Variants in C7orf57 observed in about 807,000 individuals in gnomAD.
The protein encoded by C7orf57 is uncharacterized protein C7orf57.
Under a neutral mutation model 39.0 loss-of-function variants are expected in C7orf57, and 33 were observed. That is an observed-to-expected ratio of 0.85 (90% confidence interval 0.64 to 1.13). The LOEUF is 1.13. Ranked by LOEUF, C7orf57 falls within the 50% of genes most tolerant of loss-of-function variation. The probability of loss-of-function intolerance (pLI) is 0.00; values close to 1 mark genes in which losing one functional copy is unlikely to be tolerated. For synonymous variants in C7orf57, 124 were observed against 137.1 expected (o/e 0.90, Z 0.67); for missense variants, 346 against 362.3 (o/e 0.95, Z 0.37).
chr7:48,038,205 C>G (rs1011787280), intron 2 of C7orf57, among the ~76,000 whole-genome samples: 1 of 151,824 alleles, frequency 6.6e-6, no homozygotes, highest in Non-Finnish European at 1.5e-5. Context: ...TATTAAATAC[C>G]ATCCATTAAA....
intron 2 of C7orf57, among the ~76,000 whole-genome samples, chr7:48,039,867 AC>A (rs1302170287): frequency 6.6e-6 from 1 of 151,566 alleles, no homozygotes; most frequent in Non-Finnish European, 1.5e-5. Context: ...TATTGAATAC[AC>A]CCAGTCACTT....
intron 8 of C7orf57, among the ~76,000 whole-genome samples, chr7:48,055,413 C>G (rs1791089236): frequency 6.6e-6 from 1 of 152,132 alleles, no homozygotes. Context: ...ATCATTAAAT[C>G]AAGGTAACTA....
chr7:48,044,069 G>A (rs1033956206), intron 4 of C7orf57, among the ~76,000 whole-genome samples: 2 of 152,186 alleles, frequency 1.3e-5, no homozygotes, highest in Admixed American at 1.3e-4. Context: ...CCAGCGACTA[G>A]TGTTCGGCTC....
intron 5 of C7orf57, among the ~76,000 whole-genome samples, chr7:48,049,655 T>C (rs1285232275): frequency 1.3e-5 from 2 of 152,204 alleles, no homozygotes; most frequent in Non-Finnish European, 2.9e-5. Context: ...GATGGCATCT[T>C]TACTCAAATA....
At chr7:48,041,542 C>A in intron 3 of C7orf57, 23 bp downstream of exon 3, 2 of 1,541,082 alleles carry the variant, frequency 1.3e-6, no homozygotes, top group Non-Finnish European at 8.8e-7. Context: ...CTGCCCTGTT[C>A]AGTGTGGCAG....
In C7orf57 at chr7:48,060,768, A is replaced by G. The variant is rs1791268643; in HGVS notation, c.*496A>G. 1 of 152,254 alleles carries G rather than the reference A, an allele frequency of 6.6e-6. No homozygotes were observed. Among genetic ancestry groups the G allele is most frequent in the Non-Finnish European group, 1.5e-5 (1 of 68,058 alleles). The allele number at this position is 152,254 out of a possible 1,614,324, so 9.4% of individuals were successfully genotyped here. A position where few individuals can be genotyped will look rare whatever the true frequency, so the allele number is the denominator to read the frequency against. ...CATATTTTAATTTATTATGCCATGA[A>G]TTTATAAACATTTAATATAAAACAT... On this transcript the variant is annotated 3_prime_UTR_variant, in exon 9 of 9. Transcript: ENST00000348904.
In C7orf57 at chr7:48,041,233, C is replaced by T; in HGVS notation, c.56-101C>T. On this transcript the variant is annotated intron_variant, in intron 2 of 8. Transcript: ENST00000348904. ...TAATGGGCTCTGTGGCTTGCACTGC[C>T]CCACCTGATGGTGTTGTCTGCATAG... 3.6e-6 allele frequency: 4 copies of T among 1,112,752 alleles called. No individual in the cohort carries two copies. The South Asian group carries it at 5.2e-5, about 14-fold the overall frequency. The allele number at this position is 1,112,752 out of a possible 1,614,324, so 68.9% of individuals were successfully genotyped here. A position where few individuals can be genotyped will look rare whatever the true frequency, so the allele number is the denominator to read the frequency against.
chr7:48,040,455 G>A (rs145127574), intron 2 of C7orf57, among the ~76,000 whole-genome samples: 1 of 152,334 alleles, frequency 6.6e-6, no homozygotes, highest in East Asian at 1.9e-4. Context: ...CAGCTGAGAT[G>A]TTTTTCCATA....
At position 48,054,580 on chromosome 7, in the gene C7orf57, T is replaced by G. The variant is rs1397430939; in HGVS notation, c.830-15T>G. ...GTTTCATTAACCTGAACAACGAATG[T>G]ACTTTTTATTACAGAGTCTTCTCAA... On this transcript the variant is annotated splice_polypyrimidine_tract_variant and intron_variant, in intron 7 of 8. Coordinates refer to ENST00000348904, the MANE Select transcript of C7orf57 (RefSeq NM_001100159.3). The G allele has an allele frequency of 2.6e-6, 4 of 1,545,870 alleles. No homozygotes were observed. The African/African-American group carries it at 5.5e-5, about 21-fold the overall frequency.
At position 48,041,374 on chromosome 7, in the gene C7orf57, CG is replaced by C. The variant is rs1562623244; in HGVS notation, c.97del (p.Val33TrpfsTer31). ...TCCCAGTGAAGCGCTCTGAGAAGGC[CG>C]TGGATGCCCCACCAGCGTCCCAGAT... ...HVPVKRSEKA[V>X]DAPPASQIPG... On this transcript the variant is annotated frameshift_variant, in exon 3 of 9. Transcript: ENST00000348904. LOFTEE classifies it high-confidence loss of function. 3 of 1,613,826 alleles carry C rather than the reference CG, an allele frequency of 1.9e-6. No homozygotes were observed. Among genetic ancestry groups the C allele is most frequent in the Non-Finnish European group, 2.5e-6 (3 of 1,179,796 alleles).
At chr7:48,058,823 A>C (rs200107040) in intron 8 of C7orf57, among the ~76,000 whole-genome samples, 1 of 152,236 alleles carries the variant, frequency 6.6e-6, no homozygotes, top group Admixed American at 6.5e-5. Context: ...CACCATTGAC[A>C]AAGTATTACA....
At chr7:48,039,206 AAAGAAGTCT>A (rs1790474011) in intron 2 of C7orf57, among the ~76,000 whole-genome samples, 1 of 152,246 alleles carries the variant, frequency 6.6e-6, no homozygotes, top group Non-Finnish European at 1.5e-5. Context: ...GAACTATGTC[AAAGAAGTCT>A]ATATTGGGGT....
Position 48,046,462 on chromosome 7 carries a change from T to A in C7orf57, c.353T>A (p.Val118Glu). The A allele has an allele frequency of 6.2e-7, 1 of 1,612,784 alleles. No individual in the cohort carries two copies. Residue 118 changes from valine (V) to glutamate (E), a missense_variant and splice_region_variant, in exon 5 of 9, where the codon GTG (valine) becomes GAG (glutamate). By Grantham distance (121) the Val-to-Glu change is moderately radical. Transcript: ENST00000348904. The part of the protein sequence containing the change: ...SKPPTASQQE[V>E]RAVSMPDYMV... ...GTAACTGGTGTCTGTCCTTGCAGAG[T>A]GCGGGCTGTCTCCATGCCGGATTAC...
rs756730366 is a variant in C7orf57 at position 48,046,496 on chromosome 7, T to C, written c.387T>C (p.His129=). 5.0e-6 allele frequency: 8 copies of C among 1,613,780 alleles called. No individual in the cohort carries two copies. The highest frequency in any genetic ancestry group is 6.8e-6 in the Non-Finnish European group (8 of 1,179,820). The change falls in exon 5 of 9, where the codon CAT becomes CAC. Residue 129 remains histidine, a synonymous_variant. Coordinates refer to ENST00000348904, the MANE Select transcript of C7orf57 (RefSeq NM_001100159.3). The part of the protein sequence containing the change: ...RAVSMPDYMV[H]EEFNPDQANG... The stretch of plus-strand genomic sequence containing the variant: ...TCTCCATGCCGGATTACATGGTTCA[T>C]GAAGAATTTAACCCCGATCAAGCCA...
At position 48,035,962 on chromosome 7, in the gene C7orf57, C is replaced by T. The variant is rs534290551; in HGVS notation, c.-101-246C>T. On this transcript the variant is annotated intron_variant, in intron 1 of 8. Transcript: ENST00000348904. The surrounding 1 kb of genome is among the most constrained non-coding windows in gnomAD (Gnocchi z 4.0). Reference sequence around the variant, plus strand: ...CGCGTGAATGTGCCCCTGCTGTGTACCCGGAGTGCGTACGTCCCTGCTGTG... The same window carrying T: ...CGCGTGAATGTGCCCCTGCTGTGTATCCGGAGTGCGTACGTCCCTGCTGTG... 1.3e-5 allele frequency among the ~76,000 whole-genome samples: 2 copies of T among 152,014 alleles called. No individual in the cohort carries two copies. Among genetic ancestry groups the T allele is most frequent in the South Asian group, 4.1e-4 (2 of 4,820 alleles).
At chr7:48,050,795 A>G (rs549096159) in intron 6 of C7orf57, among the ~76,000 whole-genome samples, 1 of 152,292 alleles carries the variant, frequency 6.6e-6, no homozygotes, top group African/African-American at 2.4e-5. Flanking sequence ...TCAGCCTCCC[A>G]AGTAGCTGGG....
Position 48,036,269 on chromosome 7 carries a change from GGCA to G in C7orf57, c.-36_-34del, listed in dbSNP as rs1562620236. On this transcript the variant is annotated 5_prime_UTR_variant, in exon 2 of 9. Coordinates refer to ENST00000348904, the MANE Select transcript of C7orf57 (RefSeq NM_001100159.3). ...CAGCGCACCCGCGAACACCAGGTCC[GGCA>G]GCATCTGTCTTTTCCCGCAGCGTGC... is the stretch of plus-strand genomic sequence containing the variant. 1.3e-6 allele frequency: 2 copies of G among 1,558,002 alleles called. 1 individual carries two copies. The highest frequency in any genetic ancestry group is 2.4e-5 in the South Asian group (2 of 84,508).
intron 8 of C7orf57, among the ~76,000 whole-genome samples, chr7:48,056,605 A>G (rs548532474): frequency 1.1e-3 from 173 of 152,252 alleles, no homozygotes; most frequent in Middle Eastern, 3.4e-3. Flanking sequence ...GGAAATGCTC[A>G]TTGGAACATT....
At chr7:48,049,499 G>C (rs111927074) in intron 5 of C7orf57, among the ~76,000 whole-genome samples, 4 of 152,092 alleles carry the variant, frequency 2.6e-5, no homozygotes, top group Non-Finnish European at 5.9e-5. Flanking sequence ...TTATCCATTC[G>C]TTTGTTGGTG....
Sources: allele counts gnomAD v4.1 joint callset (sites outside exome capture counted in the v4.1 genomes callset), GRCh38; gene constraint gnomAD v4.1.1; non-coding constraint Gnocchi (gnomAD v3.1); transcripts MANE v1.5; gene names NCBI Gene and HGNC (gene_info 2026-07-23, HGNC 2026-07-21).